Variants in FAM227B observed in about 807,000 individuals in gnomAD.
FAM227B encodes the protein family with sequence similarity 227 member B, also known as protein FAM227B.
In FAM227B, 88 loss-of-function variants were observed where a neutral mutation model predicts 73.8. The observed-to-expected ratio is 1.19, with a 90% CI of 1.00 to 1.42. FAM227B has a LOEUF of 1.42. FAM227B is among the 40% of genes most tolerant of loss of function. FAM227B has a pLI of 0.00. For synonymous variants in FAM227B, 210 were observed against 190.5 expected (o/e 1.10, Z -0.84); for missense variants, 632 against 590.9 (o/e 1.07, Z -0.72).
intron 13 of FAM227B, chr15:49,353,392 A>C (rs1039657643): frequency 2.4e-4 from 37 of 152,106 alleles, no homozygotes; most frequent in African/African-American, 8.9e-4. Context: ...TTTTCAGACA[A>C]TTAGAGGAAA....
At chr15:49,604,072 T>C (rs2077363097) in intron 3 of FAM227B, among the ~76,000 whole-genome samples, 3 of 152,194 alleles carry the variant, frequency 2.0e-5, no homozygotes, top group Admixed American at 6.5e-5. Context: ...ATTTTAAATA[T>C]TTTTGCCTTT....
At chr15:49,348,679 G>A (rs2041863848) in intron 13 of FAM227B, among the ~76,000 whole-genome samples, 2 of 152,112 alleles carry the variant, frequency 1.3e-5, no homozygotes, top group South Asian at 2.1e-4. Context: ...AGTAGGTTGG[G>A]TGAACACAAA....
At chr15:49,502,854 A>T (rs1487953621) in intron 11 of FAM227B, among the ~76,000 whole-genome samples, 1 of 152,158 alleles carries the variant, frequency 6.6e-6, no homozygotes, top group Non-Finnish European at 1.5e-5. Flanking sequence ...TGGATCATGA[A>T]GGCAGAGCCC....
Position 49,588,151 on chromosome 15 carries a change from T to C in FAM227B, c.338-68A>G, listed in dbSNP as rs549815571. On this transcript the variant is annotated intron_variant, in intron 4 of 15. Transcript: ENST00000299338. ...GAACCTCCTCTAAAAATAAACAAAA[T>C]TTTAAATACTTTAAACAAATTATAT... 76 of 923,932 alleles carry C rather than the reference T, an allele frequency of 8.2e-5. No individual in the cohort carries two copies. In the African/African-American group the frequency reaches 1.3e-3, roughly 16 times the overall value. The allele number at this position is 923,932 out of a possible 1,614,324, so 57.2% of individuals were successfully genotyped here. A position where few individuals can be genotyped will look rare whatever the true frequency, so the allele number is the denominator to read the frequency against.
At chr15:49,329,449 A>T (rs2038183622) in intron 15 of FAM227B, 1 of 984,826 alleles carries the variant, frequency 1.0e-6, no homozygotes, top group Non-Finnish European at 1.2e-6. Context: ...CTGTGATTTC[A>T]TTAGCTCATT....
chr15:49,439,469 T>C (rs937135722), intron 11 of FAM227B, among the ~76,000 whole-genome samples: 4 of 151,770 alleles, frequency 2.6e-5, no homozygotes, highest in African/African-American at 9.7e-5. Context: ...TAGTGAATAC[T>C]AAGTGTTAGG....
chr15:49,544,673 T>A (rs2071566119), intron 9 of FAM227B, among the ~76,000 whole-genome samples: 1 of 152,196 alleles, frequency 6.6e-6, no homozygotes, highest in Non-Finnish European at 1.5e-5. Flanking sequence ...CCCTGAGGTA[T>A]GTCTCCTCTT....
rs968275797 is a variant in FAM227B at position 49,422,639 on chromosome 15, C to G, written c.1013-51240G>C. On this transcript the variant is annotated intron_variant, in intron 11 of 15. Transcript: ENST00000299338. The stretch of plus-strand genomic sequence containing the variant: ...TGTAGCAGCTGAGACTCTGGAACAG[C>G]AGGTAACTTGCCCGAAGTCATACTG... 13 of 1,087,724 alleles carry G rather than the reference C, an allele frequency of 1.2e-5. No homozygotes were observed. In the African/African-American group the frequency reaches 2.0e-4, roughly 17 times the overall value. 67.4% of individuals were successfully genotyped at this position (1,087,724 alleles called of 1,614,324 possible).
At chr15:49,397,783 A>T (rs1447152588) in intron 11 of FAM227B, among the ~76,000 whole-genome samples, 1 of 152,204 alleles carries the variant, frequency 6.6e-6, no homozygotes, top group Admixed American at 6.5e-5. Context: ...AATACTTTAC[A>T]GACAAGCAAA....
chr15:49,442,293 T>C (rs2051732212), intron 11 of FAM227B, among the ~76,000 whole-genome samples: 1 of 151,700 alleles, frequency 6.6e-6, no homozygotes, highest in East Asian at 1.9e-4. Context: ...CTAGAATTTT[T>C]CTTCTCAGTA....
intron 10 of FAM227B, among the ~76,000 whole-genome samples, chr15:49,531,535 A>G (rs1213234234): frequency 6.6e-6 from 1 of 152,026 alleles, no homozygotes; most frequent in Non-Finnish European, 1.5e-5. Context: ...TATCTCATTC[A>G]TTGTGAAAAT....
At chr15:49,424,632 A>G (rs1000468210) in intron 11 of FAM227B, 1 of 1,386,860 alleles carries the variant, frequency 7.2e-7, no homozygotes, top group Non-Finnish European at 9.7e-7. Flanking sequence ...CTGTTAATGG[A>G]TCAATTTTCA....
In FAM227B at chr15:49,542,422, C is replaced by T. The variant is rs551309640; in HGVS notation, c.748-616G>A. On this transcript the variant is annotated intron_variant, in intron 9 of 15. Transcript: ENST00000299338. The stretch of plus-strand genomic sequence containing the variant: ...GTGATTTCTGAGATTTTGGTGCACT[C>T]GCCACCTGAGCAATGTGCACAGTAC... Among the ~76,000 whole-genome samples the T allele has an allele frequency of 6.6e-5, 10 of 152,204 alleles. No homozygotes were observed. The South Asian group carries it at 1.2e-3, about 19-fold the overall frequency.
intron 11 of FAM227B, among the ~76,000 whole-genome samples, chr15:49,375,275 G>A (rs1308796560): frequency 2.0e-5 from 3 of 152,040 alleles, no homozygotes; most frequent in Non-Finnish European, 4.4e-5. Context: ...ACCAAATTTA[G>A]TATATCCAAA....
chr15:49,473,589 G>T (rs2054982564), intron 11 of FAM227B, among the ~76,000 whole-genome samples: 1 of 152,012 alleles, frequency 6.6e-6, no homozygotes, highest in Admixed American at 6.6e-5. Context: ...TTGGTCTCAC[G>T]TTTTGGAGGG....
At chr15:49,425,981 C>T (rs2151757108) in intron 11 of FAM227B, among the ~76,000 whole-genome samples, 1 of 151,316 alleles carries the variant, frequency 6.6e-6, no homozygotes, top group Admixed American at 6.6e-5. Flanking sequence ...TTAAAAGTTG[C>T]TCAGATTTAT....
At position 49,331,845 on chromosome 15, in the gene FAM227B, G is replaced by A. The variant is rs2038818876; in HGVS notation, c.1354C>T (p.Gln452Ter). 1 of 1,604,024 alleles carries A rather than the reference G, an allele frequency of 6.2e-7. No homozygotes were observed. The highest frequency in any genetic ancestry group is 8.5e-7 in the Non-Finnish European group (1 of 1,171,008). Reference protein sequence around the residue: ...ARNQKDFRILQAKATKKPHEV... With the variant: ...ARNQKDFRIL Reference sequence around the variant, plus strand: ...TGAGGTTTCTTGGTAGCCTTTGCTTGGAGTCTAATCATGGAATAAAGAAAA... The same window carrying A: ...TGAGGTTTCTTGGTAGCCTTTGCTTAGAGTCTAATCATGGAATAAAGAAAA... The change falls in exon 15 of 16, where the codon CAA becomes TAA. Residue 452 changes from glutamine (Q) to a stop codon, truncating the protein, a stop_gained. Coordinates refer to ENST00000299338, the MANE Select transcript of FAM227B (RefSeq NM_152647.3). LOFTEE classifies it high-confidence loss of function.
intron 8 of FAM227B, among the ~76,000 whole-genome samples, chr15:49,574,352 CAT>C (rs1263539162): frequency 2.0e-5 from 3 of 152,250 alleles, no homozygotes; most frequent in Admixed American, 1.3e-4. Context: ...GTAATCCCCA[CAT>C]GTCGAGGGAG....
chr15:49,462,729 T>C (rs1341258498), intron 11 of FAM227B, among the ~76,000 whole-genome samples: 1 of 152,222 alleles, frequency 6.6e-6, no homozygotes, highest in Non-Finnish European at 1.5e-5. Context: ...CCAATTAAGT[T>C]AAAATACAAC....
Sources: allele counts gnomAD v4.1 joint callset (sites outside exome capture counted in the v4.1 genomes callset), GRCh38; gene constraint gnomAD v4.1.1; transcripts MANE v1.5; gene names NCBI Gene and HGNC (gene_info 2026-07-23, HGNC 2026-07-21).